PPP2R5C: variants seen among roughly 807,000 people sequenced by gnomAD.
PPP2R5C encodes serine/threonine-protein phosphatase 2A 56 kDa regulatory subunit gamma isoform.
PPP2R5C carries 7 observed loss-of-function variants against 68.9 expected under a neutral mutation model. The ratio of observed to expected loss-of-function variants is 0.10; its 90% CI spans 0.06 to 0.19. The LOEUF is 0.19. Among genes scored for constraint, PPP2R5C ranks in the 10% least tolerant of loss-of-function variants. PPP2R5C has a pLI of 1.00. For missense variants in PPP2R5C, 348 were observed against 641.3 expected (o/e 0.54, Z 4.94); for synonymous variants, 210 against 222.2 (o/e 0.95, Z 0.49).
intron 1 of PPP2R5C, among the ~76,000 whole-genome samples, chr14:101,817,350 G>GA (rs1455952020): frequency 2.0e-5 from 3 of 152,026 alleles, no homozygotes; most frequent in Non-Finnish European, 4.4e-5. Context: ...GTCTGCTTTG[G>GA]AAAAAATGTA....
At chr14:101,831,859 C>A in intron 1 of PPP2R5C, 1 of 658,440 alleles carries the variant, frequency 1.5e-6, no homozygotes, top group Non-Finnish European at 2.8e-6. Context: ...TAGTCTGTTA[C>A]TTACATTGGC....
At chr14:101,851,009 G>A (rs1035085943) in intron 1 of PPP2R5C, among the ~76,000 whole-genome samples, 4 of 152,178 alleles carry the variant, frequency 2.6e-5, no homozygotes, top group South Asian at 2.1e-4. Flanking sequence ...AGATGGCACC[G>A]TCGCTAAATG....
intron 3 of PPP2R5C, among the ~76,000 whole-genome samples, chr14:101,791,234 T>C (rs2038351298): frequency 6.6e-6 from 1 of 152,240 alleles, no homozygotes; most frequent in South Asian, 2.1e-4. Flanking sequence ...TATAGCTTAA[T>C]TCTTGTGGGT....
rs1173462160 is a variant in PPP2R5C at position 101,917,300 on chromosome 14, C to A, written c.1327-531C>A. On this transcript the variant is annotated intron_variant, in intron 12 of 13. Transcript: ENST00000334743. The surrounding 1 kb of genome is among the most constrained non-coding windows in gnomAD (Gnocchi z 4.4). ...GCGTTTGTTTTGGTGGAGAGCAAGT[C>A]ACCCGGGATGTGATGAGAGGGTTTC... 6.6e-6 allele frequency among the ~76,000 whole-genome samples: 1 copy of A among 152,128 alleles called. No individual in the cohort carries two copies. The highest frequency in any genetic ancestry group is 1.5e-5 in the Non-Finnish European group (1 of 68,022).
intron 2 of PPP2R5C, among the ~76,000 whole-genome samples, chr14:101,878,194 A>T (rs536986156): frequency 6.6e-6 from 1 of 152,264 alleles, no homozygotes; most frequent in Admixed American, 6.5e-5. Flanking sequence ...CCCACTTATG[A>T]CTTCATTCAC....
chr14:101,828,336 A>G (rs1239047948), intron 1 of PPP2R5C, among the ~76,000 whole-genome samples: 1 of 152,200 alleles, frequency 6.6e-6, no homozygotes, highest in African/African-American at 2.4e-5. Flanking sequence ...ATTGCACAAC[A>G]TTGTAAATGC....
At chr14:101,850,089 C>T (rs1010773149) in intron 1 of PPP2R5C, among the ~76,000 whole-genome samples, 2 of 152,096 alleles carry the variant, frequency 1.3e-5, no homozygotes, top group Non-Finnish European at 2.9e-5. Context: ...TAACTGTTAT[C>T]CACAGGCTGC....
chr14:101,859,494 A>G (rs2042630517), intron 2 of PPP2R5C, among the ~76,000 whole-genome samples: 1 of 152,258 alleles, frequency 6.6e-6, no homozygotes. Context: ...AAGGCAACAT[A>G]GCCTTTCCCT....
chr14:101,832,191 A>C (rs976398480), intron 1 of PPP2R5C, among the ~76,000 whole-genome samples: 6 of 152,264 alleles, frequency 3.9e-5, no homozygotes, highest in African/African-American at 1.4e-4. Context: ...ATAGAAATCT[A>C]CAGTGTAGGC....
intron 2 of PPP2R5C, among the ~76,000 whole-genome samples, chr14:101,867,177 A>T (rs983293072): frequency 3.3e-5 from 5 of 151,794 alleles, no homozygotes; most frequent in African/African-American, 1.2e-4. Flanking sequence ...AGATCATGCA[A>T]CTGTACTCCA....
At chr14:101,845,861 G>A (rs1595360592) in intron 1 of PPP2R5C, among the ~76,000 whole-genome samples, 1 of 152,282 alleles carries the variant, frequency 6.6e-6, no homozygotes, top group Middle Eastern at 3.4e-3. Context: ...ACGTTATGGT[G>A]GACTGTGAGC....
chr14:101,909,737 A>T (rs746047649), intron 11 of PPP2R5C, 47 bp downstream of exon 13: 6 of 1,403,008 alleles, frequency 4.3e-6, no homozygotes, highest in African/African-American at 1.4e-5. Flanking sequence ...TTTTTTTCTT[A>T]ATCCTAAGTA....
intron 1 of PPP2R5C, among the ~76,000 whole-genome samples, chr14:101,840,933 G>T (rs1030908664): frequency 2.8e-4 from 42 of 152,210 alleles, no homozygotes; most frequent in Non-Finnish European, 4.4e-5. Context: ...GCTTCCATTA[G>T]TTGCTTCTGT....
At chr14:101,923,930 T>C (rs1443575047) in intron 13 of PPP2R5C, among the ~76,000 whole-genome samples, 4 of 144,012 alleles carry the variant, frequency 2.8e-5, no homozygotes, top group Non-Finnish European at 5.9e-5. Flanking sequence ...ACGTTCTTTT[T>C]GTTGTCAAAA....
chr14:101,920,338 A>C (rs2046941415), intron 13 of PPP2R5C, among the ~76,000 whole-genome samples: 1 of 152,210 alleles, frequency 6.6e-6, no homozygotes, highest in African/African-American at 2.4e-5. Flanking sequence ...TTATACAGTG[A>C]CAGGAAGGAA....
chr14:101,890,668 A>G (rs1446758474), intron 6 of PPP2R5C, among the ~76,000 whole-genome samples: 1 of 151,162 alleles, frequency 6.6e-6, no homozygotes, highest in Non-Finnish European at 1.5e-5. Context: ...AAATGCTAAT[A>G]TTTTTAATTA....
chr14:101,881,392 G>A (rs889838818), intron 2 of PPP2R5C, among the ~76,000 whole-genome samples: 1 of 152,048 alleles, frequency 6.6e-6, no homozygotes, highest in Non-Finnish European at 1.5e-5. Context: ...AGAGGGAGAC[G>A]TCACCTCAAA....
At chr14:101,761,452 G>A (rs1243976612), upstream of PPP2R5C, among the ~76,000 whole-genome samples, 2 of 151,148 alleles carry the variant, frequency 1.3e-5, no homozygotes, top group African/African-American at 4.9e-5. Flanking sequence ...GGCTCGCAGC[G>A]ACTCGGGACG....
intron 2 of PPP2R5C, chr14:101,765,179 CAG>C (rs1359557292): frequency 2.8e-6 from 2 of 702,662 alleles, no homozygotes; most frequent in African/African-American, 3.5e-5. Context: ...GCTGGAGCTA[CAG>C]AGCTTGAAAT....
Sources: allele counts gnomAD v4.1 joint callset (sites outside exome capture counted in the v4.1 genomes callset), GRCh38; gene constraint gnomAD v4.1.1; non-coding constraint Gnocchi (gnomAD v3.1); transcripts MANE v1.5; gene names NCBI Gene and HGNC (gene_info 2026-07-23, HGNC 2026-07-21).